GCA: variants seen among roughly 807,000 people sequenced by gnomAD.
GCA encodes grancalcin.
Under a neutral mutation model 32.6 loss-of-function variants are expected in GCA, and 30 were observed. The observed-to-expected ratio is 0.92, with a 90% confidence interval of 0.69 to 1.25. The LOEUF is 1.25. GCA is among the 50% of genes most tolerant of loss of function. The pLI, the probability that GCA is intolerant of heterozygous loss-of-function variation, is 0.00. For missense variants in GCA, 291 were observed against 266.8 expected (o/e 1.09, Z -0.63); for synonymous variants, 102 against 84.6 (o/e 1.21, Z -1.13).
At chr2:162,336,643 T>G (rs1684278986) in intron 1 of GCA, among the ~76,000 whole-genome samples, 1 of 152,052 alleles carries the variant, frequency 6.6e-6, no homozygotes, top group Admixed American at 6.6e-5. Context: ...TAAGTATATC[T>G]CTCTCTCTCT....
chr2:162,331,441 T>C (rs1278892822), intron 1 of GCA, among the ~76,000 whole-genome samples: 1 of 152,238 alleles, frequency 6.6e-6, no homozygotes, highest in Admixed American at 6.5e-5. Flanking sequence ...TCAATATTTA[T>C]GCTGAGATAT....
downstream of GCA, chr2:162,373,396 A>G: frequency 9.3e-7 from 1 of 1,079,132 alleles, no homozygotes; most frequent in Non-Finnish European, 1.3e-6. Context: ...ACAGCACCCC[A>G]AGTGATTCTG....
At chr2:162,355,699 C>A (rs1176564241) in intron 3 of GCA, among the ~76,000 whole-genome samples, 1 of 151,142 alleles carries the variant, frequency 6.6e-6, no homozygotes, top group Non-Finnish European at 1.5e-5. Flanking sequence ...TTTCAAATCA[C>A]CCCTGGTTTT....
At chr2:162,348,738 G>A (rs1684836180) in intron 2 of GCA, among the ~76,000 whole-genome samples, 1 of 152,038 alleles carries the variant, frequency 6.6e-6, no homozygotes, top group African/African-American at 2.4e-5. Context: ...CTACATAACT[G>A]TAACACCATA....
intron 6 of GCA, 45 bp downstream of exon 6, chr2:162,359,202 T>A: frequency 9.6e-7 from 1 of 1,042,586 alleles, no homozygotes; most frequent in Non-Finnish European, 1.5e-6. Flanking sequence ...TGTAGCTATT[T>A]TTCTTGAATA....
downstream of GCA, chr2:162,372,078 G>A (rs1267937100): frequency 1.7e-5 from 27 of 1,611,370 alleles, no homozygotes; most frequent in Non-Finnish European, 2.2e-5. Flanking sequence ...ATTTTTCAAG[G>A]TCTAGAAATT....
In GCA at chr2:162,361,906, C is replaced by T; in HGVS notation, c.*1663C>T. 1.0e-6 allele frequency: 1 copy of T among 984,538 alleles called. No individual in the cohort carries two copies. Among genetic ancestry groups the T allele is most frequent in the Non-Finnish European group, 1.2e-6 (1 of 829,352 alleles). 61.0% of individuals were successfully genotyped at this position (984,538 alleles called of 1,614,324 possible). ...CTGTAATCTTAACATCCAGGTTATA[C>T]AGATGGTCGTTACTGAACTATTCTG... is the stretch of plus-strand genomic sequence containing the variant. On this transcript the variant is annotated 3_prime_UTR_variant, in exon 8 of 8. Transcript: ENST00000437150.
chr2:162,337,971 A>T (rs1373241434), intron 1 of GCA, among the ~76,000 whole-genome samples: 2 of 152,182 alleles, frequency 1.3e-5, no homozygotes, highest in African/African-American at 4.8e-5. Flanking sequence ...TTTCCTGAAC[A>T]TGAAAAATAA....
chr2:162,363,484 A>G (rs1468566346), downstream of GCA, among the ~76,000 whole-genome samples: 1 of 151,446 alleles, frequency 6.6e-6, no homozygotes, highest in Non-Finnish European at 1.5e-5. Flanking sequence ...AATATTTAGA[A>G]CTGGTAAATA....
chr2:162,347,658 T>G lies in GCA; in HGVS notation c.108T>G (p.Asp36Glu), dbSNP rs1222017638. The change falls in exon 2 of 8, where the codon GAT (aspartate) becomes GAG (glutamate). Residue 36 changes from aspartate to glutamate, a missense_variant. Coordinates refer to ENST00000437150, the MANE Select transcript of GCA (RefSeq NM_012198.5). ...VPETGPAILL[D>E]GYSGPAYSDT... ...AAACAGGCCCAGCTATACTCCTCGATGGATACTCTGGGCCAGCATATTCAG... is the reference window on the plus strand; with the variant it reads ...AAACAGGCCCAGCTATACTCCTCGAGGGATACTCTGGGCCAGCATATTCAG... The G allele has an allele frequency of 5.0e-6, 8 of 1,610,824 alleles. No individual in the cohort carries two copies. The Admixed American group carries it at 1.3e-4, about 27-fold the overall frequency.
At chr2:162,346,037 A>T (rs1239326051) in intron 1 of GCA, among the ~76,000 whole-genome samples, 1 of 152,176 alleles carries the variant, frequency 6.6e-6, no homozygotes, top group African/African-American at 2.4e-5. Flanking sequence ...AGAATTGTTT[A>T]TAAAAATTGT....
rs773275057 is a variant in GCA, at chr2:162,362,151, A to G, written c.*1908A>G. Reference sequence around the variant, plus strand: ...ACATATTTAGAAACTCTCACTTTCTAAAGCTTGACAAGGTATATTAGCATC... The same window carrying G: ...ACATATTTAGAAACTCTCACTTTCTGAAGCTTGACAAGGTATATTAGCATC... On this transcript the variant is annotated 3_prime_UTR_variant, in exon 8 of 8. Transcript: ENST00000437150. 3.0e-6 allele frequency: 3 copies of G among 984,738 alleles called. No homozygotes were observed. Among genetic ancestry groups the G allele is most frequent in the Non-Finnish European group, 3.6e-6 (3 of 829,506 alleles). The allele number at this position is 984,738 out of a possible 1,614,324, so 61.0% of individuals were successfully genotyped here.
Position 162,360,704 on chromosome 2 carries a change from G to A in GCA, c.*461G>A. 1 of 1,359,334 alleles carries A rather than the reference G, an allele frequency of 7.4e-7. No homozygotes were observed. The highest frequency in any genetic ancestry group is 9.4e-7 in the Non-Finnish European group (1 of 1,058,996). 84.2% of individuals were successfully genotyped at this position (1,359,334 alleles called of 1,614,324 possible). On this transcript the variant is annotated 3_prime_UTR_variant, in exon 8 of 8. Transcript: ENST00000437150. ...CTAGAAATGAAAGCCTGGATTTTGT[G>A]CCATGTTTGTAATATAGTTTGTTCC...
At chr2:162,323,397 A>T (rs1256867837) in intron 1 of GCA, among the ~76,000 whole-genome samples, 1 of 151,762 alleles carries the variant, frequency 6.6e-6, no homozygotes, top group Non-Finnish European at 1.5e-5. Context: ...TGCTGTGCAG[A>T]AGCTCTTTAG....
At chr2:162,335,027 A>G (rs1684222956) in intron 1 of GCA, among the ~76,000 whole-genome samples, 1 of 152,126 alleles carries the variant, frequency 6.6e-6, no homozygotes, top group South Asian at 2.1e-4. Context: ...TCCTCAAACT[A>G]TCTTTGGGTA....
At chr2:162,359,776 A>G (rs1370142544) in intron 7 of GCA, among the ~76,000 whole-genome samples, 1 of 151,158 alleles carries the variant, frequency 6.6e-6, no homozygotes, top group African/African-American at 2.4e-5. Context: ...TTTTTATGAC[A>G]GGTTTTTTGA....
chr2:162,359,024 T>C lies in GCA; in HGVS notation c.455-20T>C, dbSNP rs749710549. The C allele has an allele frequency of 2.5e-6, 3 of 1,182,672 alleles. No individual in the cohort carries two copies. Among genetic ancestry groups the C allele is most frequent in the South Asian group, 2.6e-5 (2 of 76,388 alleles). 73.3% of individuals were successfully genotyped at this position (1,182,672 alleles called of 1,614,324 possible). On this transcript the variant is annotated intron_variant, in intron 5 of 7. Transcript: ENST00000437150. ...CTTATGTTATTTACATTTAGAAGTT[T>C]TAATTTATCTCTTTTTTAGGTTATA...
At chr2:162,329,868 C>T (rs928228932) in intron 1 of GCA, among the ~76,000 whole-genome samples, 9 of 152,026 alleles carry the variant, frequency 5.9e-5, no homozygotes, top group African/African-American at 1.2e-4. Flanking sequence ...CAGCGTGTGT[C>T]GTTCCCCCAT....
chr2:162,344,510 G>T (rs1684581962), intron 1 of GCA: 1 of 558,976 alleles, frequency 1.8e-6, no homozygotes, highest in African/African-American at 1.9e-5. Flanking sequence ...CGTCCTGGTG[G>T]AGCCGAGGGA....
Sources: gnomAD v4.1 joint callset for allele counts (sites outside exome capture counted in the v4.1 genomes callset) on GRCh38, gnomAD v4.1.1 for gene constraint, MANE v1.5 for transcripts, NCBI Gene and HGNC (gene_info 2026-07-23, HGNC 2026-07-21) for gene names.